SETD3: variants seen among roughly 807,000 people sequenced by gnomAD.
The protein encoded by SETD3 is actin-histidine N-methyltransferase.
A neutral mutation model predicts 63.0 loss-of-function variants in SETD3; 19 were observed. The ratio of observed to expected loss-of-function variants is 0.30; its 90% confidence interval spans 0.21 to 0.44. SETD3 has a LOEUF of 0.44. SETD3 is among the 20% of genes least tolerant of loss of function. The pLI is 1.00. For synonymous variants in SETD3, 286 were observed against 264.1 expected (o/e 1.08, Z -0.80); for missense variants, 587 against 728.5 (o/e 0.81, Z 2.24).
chr14:99,433,957 G>A (rs549520410), intron 6 of SETD3, among the ~76,000 whole-genome samples: 20 of 152,208 alleles, frequency 1.3e-4, no homozygotes, highest in Non-Finnish European at 2.1e-4. Context: ...TAGCTGGTGC[G>A]AGTGTAAATT....
intron 6 of SETD3, among the ~76,000 whole-genome samples, chr14:99,428,672 G>A (rs1046206899): frequency 6.6e-6 from 1 of 152,128 alleles, no homozygotes; most frequent in Non-Finnish European, 1.5e-5. Flanking sequence ...AACAAAACAA[G>A]TGATGGAGGA....
chr14:99,409,479 A>G (rs1454509683), intron 8 of SETD3, among the ~76,000 whole-genome samples: 1 of 152,148 alleles, frequency 6.6e-6, no homozygotes, highest in Non-Finnish European at 1.5e-5. Flanking sequence ...CTGCTCCCTG[A>G]AAGCCACCAC....
At chr14:99,462,619 T>G (rs1053356784) in intron 3 of SETD3, among the ~76,000 whole-genome samples, 1 of 152,210 alleles carries the variant, frequency 6.6e-6, no homozygotes, top group Non-Finnish European at 1.5e-5. Context: ...ACCCACTTGG[T>G]GACAAAGGAT....
chr14:99,479,147 C>T (rs550084307), intron 1 of SETD3, among the ~76,000 whole-genome samples: 46 of 152,324 alleles, frequency 3.0e-4, no homozygotes, highest in Admixed American at 5.2e-4. Flanking sequence ...TTTACTCCTT[C>T]AGACTACAGT....
In SETD3 at chr14:99,398,718, T is replaced by C; in HGVS notation, c.1746A>G (p.Lys582=). Residue 582 remains lysine (K), a synonymous_variant, in exon 13 of 13, where the codon AAA becomes AAG. Transcript: ENST00000331768. ...CAGCAGTGCTGTCTGAAGAAGATCC[T>C]TTGGCGTCTTCAACTGCTCTTTTAC... ...QESKRAVEDA[K]GSSSDSTAGV... 2.5e-6 allele frequency: 4 copies of C among 1,614,212 alleles called. No homozygotes were observed. The highest frequency in any genetic ancestry group is 3.4e-6 in the Non-Finnish European group (4 of 1,180,032).
intron 6 of SETD3, among the ~76,000 whole-genome samples, chr14:99,454,891 T>G (rs982888406): frequency 3.3e-5 from 5 of 152,204 alleles, no homozygotes; most frequent in Admixed American, 6.5e-5. Context: ...GGAAACTGAC[T>G]CCTAACAACC....
chr14:99,469,203 A>G (rs1308612685), intron 1 of SETD3, among the ~76,000 whole-genome samples: 1 of 152,224 alleles, frequency 6.6e-6, no homozygotes, highest in African/African-American at 2.4e-5. Context: ...AGTAACAAAC[A>G]GGTGTATAAT....
chr14:99,461,460 C>T, intron 3 of SETD3, 120 bp from the exon 4 acceptor site: 1 of 988,172 alleles, frequency 1.0e-6, no homozygotes, highest in Non-Finnish European at 1.5e-6. Flanking sequence ...ACACGCCAAT[C>T]TTGAAATCAA....
chr14:99,408,403 C>T (rs1891799058), intron 8 of SETD3, among the ~76,000 whole-genome samples: 1 of 152,094 alleles, frequency 6.6e-6, no homozygotes, highest in South Asian at 2.1e-4. Flanking sequence ...ACTTTTCTGA[C>T]CCCAAAACAT....
chr14:99,417,231 T>C (rs549735357), intron 6 of SETD3, among the ~76,000 whole-genome samples: 1 of 152,314 alleles, frequency 6.6e-6, no homozygotes, highest in Non-Finnish European at 1.5e-5. Flanking sequence ...TGTTTGAAGA[T>C]GAAAAAATGA....
intron 6 of SETD3, among the ~76,000 whole-genome samples, chr14:99,430,377 A>G (rs1893105499): frequency 6.6e-6 from 1 of 152,212 alleles, no homozygotes; most frequent in African/African-American, 2.4e-5. Flanking sequence ...TTAATTTTCT[A>G]CCTGATGCTA....
In SETD3 at chr14:99,440,122, A is replaced by G. The variant is rs1002410557; in HGVS notation, c.675+18157T>C. Reference sequence around the variant, plus strand: ...CCAAGCCCAGCAGAAAATATTTTCAATAAGTAGTAATTTGACTTATTTTTA... The same window carrying G: ...CCAAGCCCAGCAGAAAATATTTTCAGTAAGTAGTAATTTGACTTATTTTTA... On this transcript the variant is annotated intron_variant, in intron 6 of 12. Transcript: ENST00000331768. Among the ~76,000 whole-genome samples the G allele has an allele frequency of 3.9e-5, 6 of 152,188 alleles. No homozygotes were observed. The East Asian group carries it at 7.7e-4, about 20-fold the overall frequency.
intron 6 of SETD3, among the ~76,000 whole-genome samples, chr14:99,427,293 A>G (rs2139680390): frequency 6.6e-6 from 1 of 152,284 alleles, no homozygotes; most frequent in East Asian, 1.9e-4. Context: ...AAAATACGTT[A>G]CCCCATCATA....
At chr14:99,475,648 A>G (rs1895936635) in intron 1 of SETD3, among the ~76,000 whole-genome samples, 1 of 152,222 alleles carries the variant, frequency 6.6e-6, no homozygotes, top group Non-Finnish European at 1.5e-5. Context: ...ACTTAAGCAT[A>G]TTATACTTCA....
intron 1 of SETD3, among the ~76,000 whole-genome samples, chr14:99,479,185 C>G (rs531215822): frequency 5.9e-5 from 9 of 152,320 alleles, no homozygotes; most frequent in African/African-American, 1.9e-4. Context: ...CTTACAATCA[C>G]TTGGAGGGCA....
At chr14:99,456,569 T>C (rs1159853611) in intron 6 of SETD3, among the ~76,000 whole-genome samples, 1 of 152,250 alleles carries the variant, frequency 6.6e-6, no homozygotes, top group African/African-American at 2.4e-5. Context: ...TGTTCTCTAA[T>C]TCCTGAGATG....
chr14:99,486,345 C>T, the SETD3 span, among the ~76,000 whole-genome samples: 15 of 152,190 alleles, frequency 9.9e-5, no homozygotes, highest in African/African-American at 3.6e-4. Context: ...ACCTTCCTGT[C>T]ACTGGGCAAA....
intron 6 of SETD3, among the ~76,000 whole-genome samples, chr14:99,452,091 G>A (rs1288240387): frequency 6.6e-6 from 1 of 152,156 alleles, no homozygotes; most frequent in Non-Finnish European, 1.5e-5. Flanking sequence ...GGCCCAGAAA[G>A]ACTTTGTTTT....
intron 6 of SETD3, 145 bp from the exon 7 acceptor site, chr14:99,414,079 G>C: frequency 1.4e-6 from 1 of 695,394 alleles, no homozygotes; most frequent in Non-Finnish European, 2.6e-6. Flanking sequence ...CGCTACAGAG[G>C]GATCATCGCG....
Sources: allele counts gnomAD v4.1 joint callset (sites outside exome capture counted in the v4.1 genomes callset), GRCh38; gene constraint gnomAD v4.1.1; transcripts MANE v1.5; gene names NCBI Gene and HGNC (gene_info 2026-07-23, HGNC 2026-07-21).